The following MRTFB variants were observed in gnomAD, a reference collection of about 807,000 sequenced individuals.
MRTFB encodes myocardin-related transcription factor B.
A neutral mutation model predicts 104.2 loss-of-function variants in MRTFB; 29 were observed. That is an observed-to-expected ratio of 0.28 (90% CI 0.21 to 0.38). The LOEUF (loss-of-function observed/expected upper bound fraction) is 0.38. MRTFB is among the 10% of genes least tolerant of loss of function. The probability of loss-of-function intolerance (pLI) is 1.00; values close to 1 mark genes in which losing one functional copy is unlikely to be tolerated. For synonymous variants in MRTFB, 535 were observed against 519.5 expected (o/e 1.03, Z -0.41); for missense variants, 1,270 against 1,341.6 (o/e 0.95, Z 0.83).
At chr16:14,243,357 G>A (rs2042862452) in intron 10 of MRTFB, among the ~76,000 whole-genome samples, 1 of 152,216 alleles carries the variant, frequency 6.6e-6, no homozygotes, top group Non-Finnish European at 1.5e-5. Context: ...GAACTCTTCA[G>A]AGAAAGCTCA....
chr16:14,188,040 A>G (rs1313299904), intron 3 of MRTFB, among the ~76,000 whole-genome samples: 3 of 152,206 alleles, frequency 2.0e-5, no homozygotes, highest in Non-Finnish European at 4.4e-5. Context: ...TCTAAAAGAT[A>G]AGAAGAAGAA....
At position 14,261,328 on chromosome 16, in the gene MRTFB, T is replaced by C. The variant is rs34674028; in HGVS notation, c.3184T>C (p.Leu1062=). Residue 1062 remains leucine, a synonymous_variant, in exon 17 of 17, where the codon TTG becomes CTG. Transcript: ENST00000571589. ...CTCAAACTTGGACAACATGGAGTGG[T>C]TGGACATTACCATGCCCAACTCCTC... ...SDSNLDNMEW[L]DITMPNSSSG... 3.1e-6 allele frequency: 5 copies of C among 1,613,880 alleles called. No homozygotes were observed. The South Asian group carries it at 3.3e-5, about 11-fold the overall frequency.
chr16:14,221,942 C>A (rs188245394), intron 8 of MRTFB, among the ~76,000 whole-genome samples: 35 of 152,092 alleles, frequency 2.3e-4, no homozygotes, highest in South Asian at 4.2e-4. Flanking sequence ...CCATCATGCC[C>A]AGCTAATTTT....
chr16:14,219,909 A>G (rs1315038404), intron 8 of MRTFB, among the ~76,000 whole-genome samples: 2 of 152,186 alleles, frequency 1.3e-5, no homozygotes, highest in Admixed American at 6.5e-5. Flanking sequence ...AGCATCTAGT[A>G]CAGGGCTTGG....
chr16:14,236,473 A>T (rs921001272), intron 9 of MRTFB, among the ~76,000 whole-genome samples: 14 of 152,216 alleles, frequency 9.2e-5, no homozygotes, highest in Non-Finnish European at 1.8e-4. Flanking sequence ...CCCCACCCTT[A>T]GGGTAAACAG....
At chr16:14,069,586 G>T (rs1271316323), upstream of MRTFB, among the ~76,000 whole-genome samples, 1 of 152,244 alleles carries the variant, frequency 6.6e-6, no homozygotes, top group Non-Finnish European at 1.5e-5. Flanking sequence ...CTGGGCTCAA[G>T]AGATCCTCTC....
Position 14,240,467 on chromosome 16 carries a change from C to A in MRTFB, c.1062C>A (p.Ile354=). The A allele has an allele frequency of 1.9e-6, 3 of 1,614,244 alleles. No individual in the cohort carries two copies. The highest frequency in any genetic ancestry group is 2.5e-6 in the Non-Finnish European group (3 of 1,180,036). The change falls in exon 10 of 17, where the codon ATC becomes ATA. Residue 354 remains isoleucine (I), a synonymous_variant. Transcript: ENST00000571589. ...AGCAGCACTACAACTACCAGACCAT[C>A]CTGCCTGCACCATTCAAGTACGGCG... ...QQKQHYNYQT[I]LPAPFKPLND...
the MRTFB span, among the ~76,000 whole-genome samples, chr16:14,026,903 A>G: frequency 6.6e-6 from 1 of 152,164 alleles, no homozygotes; most frequent in African/African-American, 2.4e-5. Context: ...TGACATACCA[A>G]GTGCTGGAGA....
At chr16:14,169,888 T>C (rs2039366829) in intron 3 of MRTFB, among the ~76,000 whole-genome samples, 1 of 152,160 alleles carries the variant, frequency 6.6e-6, no homozygotes, top group Non-Finnish European at 1.5e-5. Context: ...AAATTTTTAA[T>C]TAAAGAAATT....
the MRTFB span, among the ~76,000 whole-genome samples, chr16:14,023,671 G>GTA: frequency 0.017 from 2,417 of 144,328 alleles, 79 homozygotes; most frequent in African/African-American, 0.062. Context: ...GTGTGTGTGT[G>GTA]TGTGTCTATA....
chr16:14,065,212 G>C, the MRTFB span, among the ~76,000 whole-genome samples: 1 of 152,158 alleles, frequency 6.6e-6, no homozygotes. Context: ...TTTACTCTTT[G>C]TGTGGCTATT....
chr16:14,238,167 G>A (rs1251572225), intron 9 of MRTFB, among the ~76,000 whole-genome samples: 1 of 152,040 alleles, frequency 6.6e-6, no homozygotes, highest in African/African-American at 2.4e-5. Context: ...GGTTGCTAGG[G>A]GTATCTAATG....
chr16:14,258,442 A>T (rs1157921858), intron 16 of MRTFB, among the ~76,000 whole-genome samples: 1 of 152,190 alleles, frequency 6.6e-6, no homozygotes, highest in Non-Finnish European at 1.5e-5. Context: ...AAAAAATTTT[A>T]AAAATTAACA....
At chr16:14,077,364 A>T (rs949381276) in intron 1 of MRTFB, among the ~76,000 whole-genome samples, 4 of 152,208 alleles carry the variant, frequency 2.6e-5, no homozygotes, top group Non-Finnish European at 5.9e-5. Flanking sequence ...TCATCTCTGA[A>T]TCCAGTTGAT....
chr16:14,154,270 G>C (rs1052100297), intron 3 of MRTFB, among the ~76,000 whole-genome samples: 4 of 152,142 alleles, frequency 2.6e-5, no homozygotes, highest in Admixed American at 6.5e-5. Context: ...AGGAGTTTGA[G>C]GCTACAGTGA....
intron 1 of MRTFB, among the ~76,000 whole-genome samples, chr16:14,072,275 C>T (rs562239123): frequency 6.6e-6 from 1 of 152,290 alleles, no homozygotes; most frequent in South Asian, 2.1e-4. Context: ...AATGTGACCT[C>T]CCTACACACA....
At chr16:14,093,310 G>T (rs1000282776) in intron 2 of MRTFB, among the ~76,000 whole-genome samples, 1 of 151,030 alleles carries the variant, frequency 6.6e-6, no homozygotes, top group African/African-American at 2.4e-5. Context: ...AAGCACTCTT[G>T]TCCTGCCACC....
At chr16:14,022,097 T>C in the MRTFB span, among the ~76,000 whole-genome samples, 2 of 152,184 alleles carry the variant, frequency 1.3e-5, no homozygotes, top group Non-Finnish European at 2.9e-5. Flanking sequence ...TCCAGGATAA[T>C]CTCCCTATTT....
At chr16:14,181,235 A>G (rs975278862) in intron 3 of MRTFB, among the ~76,000 whole-genome samples, 4 of 152,314 alleles carry the variant, frequency 2.6e-5, no homozygotes, top group Non-Finnish European at 4.4e-5. Context: ...GGGATTTACC[A>G]TAACCATTTA....
Sources: gnomAD v4.1 joint callset for allele counts (sites outside exome capture counted in the v4.1 genomes callset) on GRCh38, gnomAD v4.1.1 for gene constraint, MANE v1.5 for transcripts, NCBI Gene and HGNC (gene_info 2026-07-23, HGNC 2026-07-21) for gene names.